FNBP1: variants seen among roughly 807,000 people sequenced by gnomAD.
FNBP1 encodes the protein formin binding protein 1, also known as formin-binding protein 1.
A neutral mutation model predicts 90.6 loss-of-function variants in FNBP1; 26 were observed. The observed-to-expected ratio is 0.29, with a 90% CI of 0.21 to 0.40. The LOEUF (loss-of-function observed/expected upper bound fraction) is 0.40, where lower values mean the gene tolerates loss of function less well. FNBP1 is among the 10% of genes least tolerant of loss of function. FNBP1 has a pLI of 1.00. For synonymous variants in FNBP1, 260 were observed against 265.2 expected, an observed-to-expected ratio of 0.98 and a Z score of 0.19; for missense variants, 635 against 768.0, an observed-to-expected ratio of 0.83 and a Z score of 2.05.
In FNBP1 at chr9:129,890,865, CG is replaced by C. The variant is rs1159440166; in HGVS notation, c.1847-320del. On this transcript the variant is annotated intron_variant, in intron 16 of 16. Coordinates refer to ENST00000446176, the MANE Select transcript of FNBP1 (RefSeq NM_015033.3). This position sits in a 1 kb window ranked among gnomAD's most constrained non-coding sequence, Gnocchi z 5.8. ...TTTAGTTTTGAGAGAAAGTAAGAAA[CG>C]GAGGCCGGGGCTGGGCGCCGTGGCT... is the stretch of plus-strand genomic sequence containing the variant. Among the ~76,000 whole-genome samples, 2 of 152,276 alleles carry C rather than the reference CG, an allele frequency of 1.3e-5. No individual in the cohort carries two copies. The highest frequency in any genetic ancestry group is 3.9e-4 in the East Asian group (2 of 5,168).
intron 10 of FNBP1, chr9:129,919,073 G>A: frequency 2.3e-6 from 1 of 428,484 alleles, no homozygotes; most frequent in South Asian, 1.8e-5. Context: ...CATAACAAGT[G>A]CCTCTGGGTC....
chr9:129,933,473 C>T (rs951321584), intron 6 of FNBP1: 1 of 152,140 alleles, frequency 6.6e-6, no homozygotes. Context: ...AGCATATTAC[C>T]TCCTAATAGA....
At chr9:129,897,890 C>A (rs750242175) in intron 15 of FNBP1, among the ~76,000 whole-genome samples, 59 of 152,102 alleles carry the variant, frequency 3.9e-4, no homozygotes, top group Non-Finnish European at 7.9e-4. Flanking sequence ...AGTACAATGG[C>A]ACGATCTTGG....
intron 2 of FNBP1, among the ~76,000 whole-genome samples, chr9:129,990,325 A>C (rs2052928437): frequency 6.6e-6 from 1 of 152,254 alleles, no homozygotes; most frequent in Non-Finnish European, 1.5e-5. Flanking sequence ...AAAGCAAAGC[A>C]GGCTAAGTGG....
chr9:129,912,744 C>T (rs1448565341), intron 11 of FNBP1, among the ~76,000 whole-genome samples: 1 of 151,114 alleles, frequency 6.6e-6, no homozygotes, highest in Non-Finnish European at 1.5e-5. Flanking sequence ...ACATTCACCT[C>T]GTTAATATGT....
At position 129,888,289 on chromosome 9, in the gene FNBP1, A is replaced by C. The variant is rs1397121864; in HGVS notation, c.*2250T>G. 1.3e-5 allele frequency: 3 copies of C among 232,508 alleles called. No individual in the cohort carries two copies. The highest frequency in any genetic ancestry group is 5.6e-5 in the Admixed American group (1 of 17,758). 14.4% of individuals were successfully genotyped at this position (232,508 alleles called of 1,614,324 possible). ...TCCCGAGGCTCTAAAATCCCATTTT[A>C]AAGAACCGTTTCACATCCTCGTGGA... On this transcript the variant is annotated 3_prime_UTR_variant, in exon 17 of 17. Transcript: ENST00000446176.
intron 2 of FNBP1, among the ~76,000 whole-genome samples, chr9:129,984,074 A>C (rs1201408696): frequency 6.6e-6 from 1 of 152,118 alleles, no homozygotes; most frequent in Non-Finnish European, 1.5e-5. Context: ...ACTCGGCCCT[A>C]TTCCAGAGCC....
intron 6 of FNBP1, among the ~76,000 whole-genome samples, chr9:129,939,585 G>A (rs1313152404): frequency 1.3e-5 from 2 of 152,254 alleles, no homozygotes; most frequent in East Asian, 3.9e-4. Flanking sequence ...TCAAGCTGTG[G>A]AGTGGGGGAA....
intron 6 of FNBP1, among the ~76,000 whole-genome samples, chr9:129,935,573 C>T (rs1177744816): frequency 3.9e-5 from 6 of 152,060 alleles, no homozygotes; most frequent in East Asian, 1.9e-4. Flanking sequence ...CTGCAACCTC[C>T]GCCTCCCAGG....
At chr9:130,035,643 C>T (rs989146804) in intron 1 of FNBP1, among the ~76,000 whole-genome samples, 13 of 152,108 alleles carry the variant, frequency 8.5e-5, no homozygotes, top group Admixed American at 8.5e-4. Context: ...AACAATCATT[C>T]GAGACTTTAA....
At position 129,923,850 on chromosome 9, in the gene FNBP1, C is replaced by T. The variant is rs777522146; in HGVS notation, c.1164G>A (p.Lys388=). ...ATTCCGGAGCAGAACTTACCCCACG[C>T]TTTAGGCTCCTGAAGCAGTGGATTT... ...KPKIHCFRSL[K]RGLSLKLGAT... is the part of the protein sequence containing the mutation. Residue 388 remains lysine, a synonymous_variant, in exon 10 of 17, where the codon AAG becomes AAA. Coordinates refer to ENST00000446176, the MANE Select transcript of FNBP1 (RefSeq NM_015033.3). 1.3e-5 allele frequency: 20 copies of T among 1,592,966 alleles called. No homozygotes were observed. Among genetic ancestry groups the T allele is most frequent in the Non-Finnish European group, 1.5e-5 (18 of 1,170,810 alleles).
intron 1 of FNBP1, among the ~76,000 whole-genome samples, chr9:130,028,295 C>T (rs372183409): frequency 2.0e-4 from 30 of 152,166 alleles, no homozygotes; most frequent in Non-Finnish European, 3.1e-4. Flanking sequence ...GAAAGTTAAA[C>T]GATATCAGGT....
At chr9:129,934,570 C>A (rs941978675) in intron 6 of FNBP1, among the ~76,000 whole-genome samples, 13 of 86,224 alleles carry the variant, frequency 1.5e-4, no homozygotes, top group Admixed American at 3.1e-4. Flanking sequence ...GATTTCACTT[C>A]TTGGTAATTT....
At chr9:129,897,888 G>C (rs985395990) in intron 15 of FNBP1, among the ~76,000 whole-genome samples, 1 of 152,076 alleles carries the variant, frequency 6.6e-6, no homozygotes, top group Non-Finnish European at 1.5e-5. Flanking sequence ...GGAGTACAAT[G>C]GCACGATCTT....
At chr9:129,937,943 A>G (rs2043728151) in intron 6 of FNBP1, among the ~76,000 whole-genome samples, 1 of 151,940 alleles carries the variant, frequency 6.6e-6, no homozygotes, top group Non-Finnish European at 1.5e-5. Flanking sequence ...TGGGCATGTC[A>G]GTTGAGGCCA....
chr9:129,932,772 T>C (rs1012898410), intron 6 of FNBP1, among the ~76,000 whole-genome samples: 11 of 152,026 alleles, frequency 7.2e-5, no homozygotes, highest in Non-Finnish European at 1.2e-4. Flanking sequence ...AATATATTAG[T>C]CTAGCCCCAA....
At chr9:129,990,951 T>TTTG (rs1380970529) in intron 2 of FNBP1, among the ~76,000 whole-genome samples, 1 of 150,066 alleles carries the variant, frequency 6.7e-6, no homozygotes, top group African/African-American at 2.5e-5. Context: ...TTTTTTTTTT[T>TTTG]GAGATGGAGT....
chr9:129,932,022 C>T (rs142198272), intron 6 of FNBP1, among the ~76,000 whole-genome samples: 1 of 151,744 alleles, frequency 6.6e-6, no homozygotes, highest in East Asian at 2.0e-4. Flanking sequence ...ACCATCCTGG[C>T]CAACATGGTG....
intron 4 of FNBP1, among the ~76,000 whole-genome samples, chr9:129,974,521 T>C (rs1190238215): frequency 1.3e-5 from 2 of 152,238 alleles, no homozygotes; most frequent in African/African-American, 4.8e-5. Context: ...ATAATGCTAA[T>C]TCATCATTTA....
Sources: gnomAD v4.1 joint callset for allele counts (sites outside exome capture counted in the v4.1 genomes callset) on GRCh38, gnomAD v4.1.1 for gene constraint, Gnocchi (gnomAD v3.1) non-coding constraint, MANE v1.5 for transcripts, NCBI Gene and HGNC (gene_info 2026-07-23, HGNC 2026-07-21) for gene names.